SLC60A2: variants seen among roughly 807,000 people sequenced by gnomAD.
SLC60A2 encodes major facilitator superfamily domain containing 4B.
the SLC60A2 span, among the ~76,000 whole-genome samples, chr6:111,276,805 C>T: frequency 6.6e-6 from 1 of 152,180 alleles, no homozygotes; most frequent in Non-Finnish European, 1.5e-5. Context: ...AGCAGTTCTG[C>T]CCCTCCTTGG....
At chr6:111,272,281 G>A in the SLC60A2 span, among the ~76,000 whole-genome samples, 6 of 152,074 alleles carry the variant, frequency 3.9e-5, no homozygotes, top group Non-Finnish European at 8.8e-5. Context: ...GGGATTACAT[G>A]CGTGAGCCAC....
At chr6:111,272,352 G>A in the SLC60A2 span, among the ~76,000 whole-genome samples, 2 of 152,114 alleles carry the variant, frequency 1.3e-5, no homozygotes, top group East Asian at 3.9e-4. Flanking sequence ...ATCAAAGCAG[G>A]GTAATTAGGA....
At chr6:111,279,328 C>G in the SLC60A2 span, among the ~76,000 whole-genome samples, 4 of 150,766 alleles carry the variant, frequency 2.7e-5, no homozygotes, top group Non-Finnish European at 5.9e-5. Context: ...GTGGCGCTAT[C>G]TCAGCTCACT....
chr6:111,260,888 G>A, the SLC60A2 span, among the ~76,000 whole-genome samples: 5 of 152,240 alleles, frequency 3.3e-5, no homozygotes, highest in South Asian at 6.2e-4. Context: ...GGTGCTTGCT[G>A]TGCACCTGGG....
chr6:111,265,871 G>A, the SLC60A2 span: 105 of 1,563,212 alleles, frequency 6.7e-5, no homozygotes, highest in Non-Finnish European at 7.9e-5. Context: ...ATCTTTCATC[G>A]ACAGGTGGTA....
chr6:111,262,196 C>T, the SLC60A2 span: 6 of 1,401,666 alleles, frequency 4.3e-6, no homozygotes, highest in African/African-American at 7.2e-5. Flanking sequence ...AAGAAACTAC[C>T]ACATAGTTAG....
the SLC60A2 span, chr6:111,266,043 G>A: frequency 6.2e-7 from 1 of 1,614,110 alleles, no homozygotes; most frequent in Non-Finnish European, 8.5e-7. Flanking sequence ...CTTCCATCCT[G>A]CACTCAACCA....
At chr6:111,259,838 C>A in the SLC60A2 span, 3 of 889,152 alleles carry the variant, frequency 3.4e-6, no homozygotes, top group East Asian at 3.3e-5. Context: ...TCAGTTTCAT[C>A]ATCTAGAAAA....
At chr6:111,266,953 G>A in the SLC60A2 span, 2 of 1,614,094 alleles carry the variant, frequency 1.2e-6, no homozygotes, top group Non-Finnish European at 1.7e-6. Flanking sequence ...GATACAATGA[G>A]GCATTCTATA....
the SLC60A2 span, among the ~76,000 whole-genome samples, chr6:111,261,414 A>G: frequency 1.3e-5 from 2 of 152,086 alleles, no homozygotes; most frequent in Admixed American, 6.5e-5. Context: ...CAGCCTCCCT[A>G]GTAACTGGGA....
At chr6:111,274,906 C>G in the SLC60A2 span, among the ~76,000 whole-genome samples, 1 of 151,856 alleles carries the variant, frequency 6.6e-6, no homozygotes, top group East Asian at 1.9e-4. Context: ...TGTGACTATC[C>G]TTTTCTGTTT....
At chr6:111,276,445 T>C in the SLC60A2 span, among the ~76,000 whole-genome samples, 2 of 152,240 alleles carry the variant, frequency 1.3e-5, no homozygotes. Context: ...TCTCAGACTT[T>C]AGGCGCATTA....
the SLC60A2 span, among the ~76,000 whole-genome samples, chr6:111,263,220 G>A: frequency 2.0e-5 from 3 of 152,130 alleles, no homozygotes; most frequent in Non-Finnish European, 4.4e-5. Flanking sequence ...GAGCCACCAC[G>A]CCTGGGCTGG....
At chr6:111,271,022 T>C in the SLC60A2 span, 1 of 147,168 alleles carries the variant, frequency 6.8e-6, no homozygotes, top group Non-Finnish European at 1.5e-5. Context: ...TATCGCAGAG[T>C]TATGCCTTTT....
At chr6:111,262,983 G>C in the SLC60A2 span, among the ~76,000 whole-genome samples, 1 of 152,002 alleles carries the variant, frequency 6.6e-6, no homozygotes, top group Non-Finnish European at 1.5e-5. Context: ...TATTGCCCAG[G>C]CTGGAGTGCA....
At chr6:111,276,174 A>T in the SLC60A2 span, among the ~76,000 whole-genome samples, 2 of 152,194 alleles carry the variant, frequency 1.3e-5, no homozygotes, top group Admixed American at 1.3e-4. Flanking sequence ...TTCATCTGTC[A>T]GTGGACATTT....
the SLC60A2 span, chr6:111,266,592 A>G: frequency 6.2e-7 from 1 of 1,614,188 alleles, no homozygotes; most frequent in Non-Finnish European, 8.5e-7. Context: ...TGTTTCTTGG[A>G]TTGAGCAGTA....
the SLC60A2 span, chr6:111,266,124 G>A: frequency 6.2e-6 from 10 of 1,614,136 alleles, no homozygotes; most frequent in South Asian, 1.1e-5. Flanking sequence ...GGCTTATGCT[G>A]TTATCGGTAC....
At chr6:111,265,917 G>A in the SLC60A2 span, 1 of 1,613,612 alleles carries the variant, frequency 6.2e-7, no homozygotes, top group East Asian at 2.2e-5. Context: ...GGACAAAGGA[G>A]CCCCACATAT....
Sources: gnomAD v4.1 joint callset for allele counts (sites outside exome capture counted in the v4.1 genomes callset) on GRCh38, gnomAD v4.1.1 for gene constraint, MANE v1.5 for transcripts, NCBI Gene and HGNC (gene_info 2026-07-23, HGNC 2026-07-21) for gene names.